DPP4: variants seen among roughly 807,000 people sequenced by gnomAD.
The protein encoded by DPP4 is dipeptidyl peptidase 4.
A neutral mutation model predicts 122.4 loss-of-function variants in DPP4; 93 were observed. That is an observed-to-expected ratio of 0.76 (90% CI 0.64 to 0.90). DPP4 has a LOEUF of 0.90. DPP4 is among the 40% of genes least tolerant of loss of function. DPP4 has a pLI of 0.00. For synonymous variants in DPP4, 321 were observed against 302.9 expected, an observed-to-expected ratio of 1.06 and a Z score of -0.62; for missense variants, 914 against 907.3, an observed-to-expected ratio of 1.01 and a Z score of -0.09.
At chr2:162,048,343 G>C (rs1684260893) in intron 2 of DPP4, among the ~76,000 whole-genome samples, 1 of 151,924 alleles carries the variant, frequency 6.6e-6, no homozygotes, top group African/African-American at 2.4e-5. Context: ...GGGTATCCCT[G>C]ACATTAGATT....
Position 161,992,840 on chromosome 2 carries a change from G to C in DPP4, c.*443C>G, listed in dbSNP as rs1395004788. On this transcript the variant is annotated 3_prime_UTR_variant, in exon 26 of 26. Coordinates refer to ENST00000360534, the MANE Select transcript of DPP4 (RefSeq NM_001935.4). ...TGCTTGGACTTGGGTTCCCAGCCAT[G>C]CCCTGCTATCTTCTCTCCCTAATCC... 6.3e-6 allele frequency: 1 copy of C among 157,716 alleles called. No individual in the cohort carries two copies. The highest frequency in any genetic ancestry group is 1.4e-5 in the Non-Finnish European group (1 of 71,058). 9.8% of individuals were successfully genotyped at this position (157,716 alleles called of 1,614,324 possible). A position where few individuals can be genotyped will look rare whatever the true frequency, so the allele number is the denominator to read the frequency against.
intron 5 of DPP4, among the ~76,000 whole-genome samples, chr2:162,043,257 G>T (rs573422076): frequency 6.6e-6 from 1 of 152,280 alleles, no homozygotes; most frequent in South Asian, 2.1e-4. Flanking sequence ...TGCAGGAGAA[G>T]CGGGTAGGAG....
chr2:162,071,192 C>T (rs1267152825), intron 2 of DPP4, among the ~76,000 whole-genome samples: 1 of 152,136 alleles, frequency 6.6e-6, no homozygotes, highest in Non-Finnish European at 1.5e-5. Flanking sequence ...CTGTTTCCCA[C>T]CCTCCTCTGG....
rs775883046 is a variant in DPP4 at position 162,033,619 on chromosome 2, A to G, written c.809T>C (p.Val270Ala). 1.2e-6 allele frequency: 2 copies of G among 1,613,214 alleles called. No homozygotes were observed. The highest frequency in any genetic ancestry group is 1.7e-6 in the Non-Finnish European group (2 of 1,179,666). Reference sequence around the variant, plus strand: ...TGAGCTGAGAGAGTCTGTATTTACAACAAAGAACTTTACAGTTGGATTCAC... The same window carrying G: ...TGAGCTGAGAGAGTCTGTATTTACAGCAAAGAACTTTACAGTTGGATTCAC... ...GAVNPTVKFFVVNTDSLSSVT... is the reference protein window; with the variant it reads ...GAVNPTVKFFAVNTDSLSSVT... Residue 270 changes from valine (V) to alanine (A), a missense_variant, in exon 10 of 26, where the codon GTT (valine) becomes GCT (alanine). By Grantham distance (64) the Val-to-Ala change is moderately conservative (BLOSUM62 0). Coordinates refer to ENST00000360534, the MANE Select transcript of DPP4 (RefSeq NM_001935.4).
intron 23 of DPP4, among the ~76,000 whole-genome samples, chr2:161,995,720 A>T (rs1333331922): frequency 6.6e-6 from 1 of 152,216 alleles, no homozygotes; most frequent in Admixed American, 6.5e-5. Flanking sequence ...TGTATGTTCC[A>T]TGGGCTTCTG....
rs1429191590 is a variant in DPP4 at position 162,020,138 on chromosome 2, T to C, written c.1244+91A>G. The stretch of plus-strand genomic sequence containing the variant: ...AACACATTCCAAAAAGACTACTCTT[T>C]ATTTGTAGGAGATTTTTTCCCTACT... On this transcript the variant is annotated intron_variant, in intron 14 of 25. Coordinates refer to ENST00000360534, the MANE Select transcript of DPP4 (RefSeq NM_001935.4). 2.7e-6 allele frequency: 3 copies of C among 1,091,686 alleles called. No individual in the cohort carries two copies. The Admixed American group carries it at 6.8e-5, about 25-fold the overall frequency. 67.6% of individuals were successfully genotyped at this position (1,091,686 alleles called of 1,614,324 possible). A position where few individuals can be genotyped will look rare whatever the true frequency, so the allele number is the denominator to read the frequency against.
chr2:162,038,006 G>A lies in DPP4; in HGVS notation c.613+296C>T, dbSNP rs1233942331. 5.3e-5 allele frequency among the ~76,000 whole-genome samples: 8 copies of A among 152,096 alleles called. No individual in the cohort carries two copies. In the South Asian group the frequency reaches 1.0e-3, roughly 20 times the overall value. On this transcript the variant is annotated intron_variant, in intron 8 of 25. Coordinates refer to ENST00000360534, the MANE Select transcript of DPP4 (RefSeq NM_001935.4). ...AGAAATATCTGATGTTAATCTGGAG[G>A]CTTTTATGTTCCAGTAAAGGCAGAA...
intron 1 of DPP4, chr2:162,073,739 G>C (rs570235160): frequency 1.7e-5 from 12 of 702,690 alleles, no homozygotes; most frequent in African/African-American, 1.4e-4. Flanking sequence ...TCGGGCGTGC[G>C]TTCTGTGAGT....
chr2:162,071,140 C>T (rs1685100849), intron 2 of DPP4, among the ~76,000 whole-genome samples: 1 of 152,202 alleles, frequency 6.6e-6, no homozygotes, highest in Non-Finnish European at 1.5e-5. Context: ...CTCAAAACAT[C>T]ATTCACTGCA....
At chr2:162,045,652 A>C (rs1174785654) in intron 4 of DPP4, 40 bp from the exon 5 acceptor site, 1 of 1,431,534 alleles carries the variant, frequency 7.0e-7, no homozygotes, top group African/African-American at 1.4e-5. Flanking sequence ...GAACAATTCC[A>C]TTTCATTGCC....
intron 2 of DPP4, among the ~76,000 whole-genome samples, chr2:162,053,525 G>A (rs1234668262): frequency 1.3e-5 from 2 of 152,222 alleles, no homozygotes; most frequent in Admixed American, 1.3e-4. Context: ...CCGTCCGTAG[G>A]CCACAGGTTG....
intron 4 of DPP4, among the ~76,000 whole-genome samples, chr2:162,045,887 T>G (rs936493308): frequency 6.6e-6 from 1 of 152,140 alleles, no homozygotes; most frequent in Non-Finnish European, 1.5e-5. Flanking sequence ...ACAGTGGGAA[T>G]AGCGTAAGCA....
At chr2:161,997,377 A>G (rs1049727698) in intron 23 of DPP4, among the ~76,000 whole-genome samples, 2 of 152,144 alleles carry the variant, frequency 1.3e-5, no homozygotes, top group African/African-American at 4.8e-5. Context: ...GTCAATCAAT[A>G]TTTACTTATT....
At chr2:162,044,869 G>A (rs983465132) in intron 5 of DPP4, among the ~76,000 whole-genome samples, 9 of 152,140 alleles carry the variant, frequency 5.9e-5, no homozygotes, top group Non-Finnish European at 1.0e-4. Context: ...TATATGGTGG[G>A]GCCCGAAGGT....
At chr2:162,044,348 T>G (rs1357246529) in intron 5 of DPP4, among the ~76,000 whole-genome samples, 2 of 152,044 alleles carry the variant, frequency 1.3e-5, no homozygotes, top group Admixed American at 1.3e-4. Flanking sequence ...CATCCTGAGA[T>G]GGTAAATGCA....
chr2:162,037,166 G>C (rs1683807534), intron 8 of DPP4, among the ~76,000 whole-genome samples: 1 of 152,166 alleles, frequency 6.6e-6, no homozygotes, highest in African/African-American at 2.4e-5. Flanking sequence ...CATGTGAATG[G>C]CCTAGTCGTG....
At chr2:162,062,655 C>T (rs1416406284) in intron 2 of DPP4, among the ~76,000 whole-genome samples, 1 of 152,218 alleles carries the variant, frequency 6.6e-6, no homozygotes, top group Non-Finnish European at 1.5e-5. Context: ...ACATTCCTGG[C>T]CATATGGCCC....
At chr2:162,051,706 T>C (rs148627334) in intron 2 of DPP4, among the ~76,000 whole-genome samples, 1 of 152,104 alleles carries the variant, frequency 6.6e-6, no homozygotes, top group Non-Finnish European at 1.5e-5. Context: ...GGAGGAAAAA[T>C]CAAGGAGGTA....
intron 10 of DPP4, among the ~76,000 whole-genome samples, chr2:162,032,593 C>T (rs369728658): frequency 6.6e-6 from 1 of 151,950 alleles, no homozygotes; most frequent in Non-Finnish European, 1.5e-5. Flanking sequence ...GCAGGAGAAT[C>T]GCTTGAACCT....
Sources: gnomAD v4.1 joint callset for allele counts (sites outside exome capture counted in the v4.1 genomes callset) on GRCh38, gnomAD v4.1.1 for gene constraint, MANE v1.5 for transcripts, NCBI Gene and HGNC (gene_info 2026-07-23, HGNC 2026-07-21) for gene names.